ZNF385D: variants seen among roughly 807,000 people sequenced by gnomAD.
The protein encoded by ZNF385D is zinc finger protein 385D.
Under a neutral mutation model 35.8 loss-of-function variants are expected in ZNF385D, and 15 were observed. The observed-to-expected ratio is 0.42, with a 90% CI of 0.28 to 0.64. ZNF385D has a LOEUF of 0.64. Ranked by LOEUF, ZNF385D falls within the 30% of genes least tolerant of loss-of-function variation. ZNF385D has a pLI of 0.23. For missense variants in ZNF385D, 474 were observed against 494.6 expected, an observed-to-expected ratio of 0.96 and a Z score of 0.39; for synonymous variants, 212 against 186.8, an observed-to-expected ratio of 1.13 and a Z score of -1.10.
intron 3 of ZNF385D, among the ~76,000 whole-genome samples, chr3:22,047,946 A>C (rs1699104869): frequency 6.6e-6 from 1 of 152,150 alleles, no homozygotes; most frequent in African/African-American, 2.4e-5. Context: ...ATTCTAACAG[A>C]TATGAGGTAA....
upstream of ZNF385D, among the ~76,000 whole-genome samples, chr3:21,755,690 T>C (rs560217111): frequency 1.9e-4 from 29 of 152,360 alleles, no homozygotes; most frequent in African/African-American, 5.5e-4. Flanking sequence ...GTAACCCAAA[T>C]GAAAGAGGAT....
intron 3 of ZNF385D, among the ~76,000 whole-genome samples, chr3:22,014,203 C>G (rs1393874671): frequency 6.6e-6 from 1 of 151,174 alleles, no homozygotes; most frequent in Non-Finnish European, 1.5e-5. Context: ...AGCATGGCTG[C>G]TACCTTTTTT....
At chr3:21,517,070 G>T (rs563578744) in intron 3 of ZNF385D, among the ~76,000 whole-genome samples, 1 of 104,904 alleles carries the variant, frequency 9.5e-6, no homozygotes, top group Non-Finnish European at 2.2e-5. Context: ...ATGATTACAG[G>T]AAAAAAAGCT....
At chr3:21,806,678 T>G (rs903204530) in intron 3 of ZNF385D, among the ~76,000 whole-genome samples, 1 of 152,182 alleles carries the variant, frequency 6.6e-6, no homozygotes, top group African/African-American at 2.4e-5. Flanking sequence ...ATATGTTATA[T>G]AGTAATAAAA....
rs374985609 is a variant in ZNF385D, at chr3:22,109,028, C to T, written c.325+59789G>A. Among the ~76,000 whole-genome samples the T allele has an allele frequency of 3.9e-5, 6 of 152,072 alleles. 1 individual carries two copies. The highest frequency in any genetic ancestry group is 1.4e-4 in the African/African-American group (6 of 41,512). The stretch of plus-strand genomic sequence containing the variant: ...TTCTGTCTCAAAAAACAAAACAAAA[C>T]CATGTAGCAATAATGCTTGTACAGA... On this transcript the variant is annotated intron_variant, in intron 3 of 5. Transcript: ENST00000494108.
intron 3 of ZNF385D, among the ~76,000 whole-genome samples, chr3:22,095,373 A>AT (rs1289445033): frequency 6.6e-6 from 1 of 151,288 alleles, no homozygotes; most frequent in African/African-American, 2.4e-5. Context: ...TTCCATCATG[A>AT]TTTTTTCTCT....
intron 3 of ZNF385D, among the ~76,000 whole-genome samples, chr3:21,933,785 A>T (rs915262081): frequency 6.6e-6 from 1 of 152,172 alleles, no homozygotes; most frequent in African/African-American, 2.4e-5. Context: ...GAAAACAACA[A>T]AATCTAAACA....
At chr3:21,726,264 G>A (rs1398359040) in intron 1 of ZNF385D, among the ~76,000 whole-genome samples, 1 of 152,206 alleles carries the variant, frequency 6.6e-6, no homozygotes, top group Admixed American at 6.5e-5. Flanking sequence ...TTGAAAACCG[G>A]CATAAGACAA....
chr3:21,505,989 G>C (rs1706747490), intron 4 of ZNF385D, among the ~76,000 whole-genome samples: 1 of 152,102 alleles, frequency 6.6e-6, no homozygotes, highest in South Asian at 2.1e-4. Context: ...TGGAGGCTGT[G>C]CTTCCCAGAC....
At chr3:21,670,003 T>G (rs2066514859) in intron 1 of ZNF385D, among the ~76,000 whole-genome samples, 1 of 152,180 alleles carries the variant, frequency 6.6e-6, no homozygotes. Flanking sequence ...GCCTGACAAC[T>G]TCATCTTAAT....
At chr3:21,917,546 T>G (rs1007477203) in intron 3 of ZNF385D, among the ~76,000 whole-genome samples, 1 of 152,218 alleles carries the variant, frequency 6.6e-6, no homozygotes, top group Non-Finnish European at 1.5e-5. Context: ...TGGTCTCATA[T>G]GCTATGACAT....
intron 3 of ZNF385D, among the ~76,000 whole-genome samples, chr3:21,998,083 G>A (rs1467680859): frequency 6.6e-6 from 1 of 152,024 alleles, no homozygotes; most frequent in Non-Finnish European, 1.5e-5. Flanking sequence ...ACTCCCACCA[G>A]TGCCATGCCA....
chr3:22,070,229 C>T (rs1450913424), intron 3 of ZNF385D, among the ~76,000 whole-genome samples: 1 of 152,016 alleles, frequency 6.6e-6, no homozygotes, highest in Non-Finnish European at 1.5e-5. Flanking sequence ...CCTTAAAGCA[C>T]AATTTAAGTC....
At chr3:21,806,935 A>C (rs2072679153) in intron 3 of ZNF385D, among the ~76,000 whole-genome samples, 1 of 152,222 alleles carries the variant, frequency 6.6e-6, no homozygotes, top group African/African-American at 2.4e-5. Context: ...ATTTATCTCC[A>C]AACAGAAATT....
At chr3:21,832,164 C>T (rs985421296) in intron 3 of ZNF385D, among the ~76,000 whole-genome samples, 1 of 152,010 alleles carries the variant, frequency 6.6e-6, no homozygotes, top group Non-Finnish European at 1.5e-5. Flanking sequence ...TTACAATACT[C>T]ACTATGTTAA....
chr3:21,551,247 T>G (rs2062558993), intron 3 of ZNF385D, among the ~76,000 whole-genome samples: 1 of 152,204 alleles, frequency 6.6e-6, no homozygotes, highest in African/African-American at 2.4e-5. Flanking sequence ...TAACAACCAT[T>G]GAAACTTCAG....
chr3:21,649,654 A>G (rs1186998727), intron 2 of ZNF385D, among the ~76,000 whole-genome samples: 1 of 152,200 alleles, frequency 6.6e-6, no homozygotes, highest in East Asian at 1.9e-4. Context: ...ACCAAATTTA[A>G]TTAATTTATA....
At chr3:21,925,951 T>C (rs553116992) in intron 3 of ZNF385D, among the ~76,000 whole-genome samples, 48 of 152,244 alleles carry the variant, frequency 3.2e-4, no homozygotes, top group African/African-American at 1.1e-3. Flanking sequence ...ACTATCAGAA[T>C]GGCTAAGTAA....
rs941682174 is a variant in ZNF385D, at chr3:21,415,822, C to T, written c.*5392G>A. 18 of 152,078 alleles carry T rather than the reference C, an allele frequency of 1.2e-4. No homozygotes were observed. The highest frequency in any genetic ancestry group is 3.1e-4 in the African/African-American group (13 of 41,514). 9.4% of individuals were successfully genotyped at this position (152,078 alleles called of 1,614,324 possible). Reference sequence around the variant, plus strand: ...ATATATTAATAGTCAGATTTTACTTCGTTTGACAAATACATTTTAGCAGTT... The same window carrying T: ...ATATATTAATAGTCAGATTTTACTTTGTTTGACAAATACATTTTAGCAGTT... On this transcript the variant is annotated 3_prime_UTR_variant, in exon 8 of 8. Transcript: ENST00000281523.
Sources: gnomAD v4.1 joint callset for allele counts (sites outside exome capture counted in the v4.1 genomes callset) on GRCh38, gnomAD v4.1.1 for gene constraint, MANE v1.5 for transcripts, NCBI Gene and HGNC (gene_info 2026-07-23, HGNC 2026-07-21) for gene names.